LEPROT: variants seen among roughly 807,000 people sequenced by gnomAD.
LEPROT encodes leptin receptor overlapping transcript, also known as leptin receptor gene-related protein.
Under a neutral mutation model 15.4 loss-of-function variants are expected in LEPROT, and 3 were observed. That is an observed-to-expected ratio of 0.19 (90% CI 0.09 to 0.50). LEPROT has a LOEUF of 0.50. Ranked by LOEUF, LEPROT falls within the 20% of genes least tolerant of loss-of-function variation. LEPROT has a pLI of 0.97. For missense variants in LEPROT, 137 were observed against 162.2 expected (o/e 0.84, Z 0.84); for synonymous variants, 59 against 57.5 (o/e 1.03, Z -0.12).
At chr1:65,429,421 G>T (rs1043485921) in intron 2 of LEPROT, among the ~76,000 whole-genome samples, 3 of 152,160 alleles carry the variant, frequency 2.0e-5, no homozygotes, top group Admixed American at 6.5e-5. Flanking sequence ...GACCATAAAG[G>T]CTTTGTAGGC....
intron 2 of LEPROT, among the ~76,000 whole-genome samples, chr1:65,428,691 T>G (rs886780916): frequency 6.6e-6 from 1 of 152,276 alleles, no homozygotes. Flanking sequence ...TGTGGTGATA[T>G]GAATTATTGT....
At chr1:65,421,902 G>C (rs990540108) in intron 1 of LEPROT, among the ~76,000 whole-genome samples, 2 of 152,232 alleles carry the variant, frequency 1.3e-5, no homozygotes, top group Non-Finnish European at 2.9e-5. Context: ...CGGACTAAGG[G>C]AAGGAAGCAT....
At position 65,431,983 on chromosome 1, in the gene LEPROT, C is replaced by T; in HGVS notation, c.*64C>T. 6 of 1,520,130 alleles carry T rather than the reference C, an allele frequency of 3.9e-6. No individual in the cohort carries two copies. Among genetic ancestry groups the T allele is most frequent in the Non-Finnish European group, 5.3e-6 (6 of 1,136,346 alleles). The allele number at this position is 1,520,130 out of a possible 1,614,324, so 94.2% of individuals were successfully genotyped here. A position where few individuals can be genotyped will look rare whatever the true frequency, so the allele number is the denominator to read the frequency against. On this transcript the variant is annotated 3_prime_UTR_variant, in exon 4 of 4. Transcript: ENST00000371065. Reference sequence around the variant, plus strand: ...CTCATACTATCTGTATACATGTGCACATGCGGCATTTTACTATGAAATTTA... The same window carrying T: ...CTCATACTATCTGTATACATGTGCATATGCGGCATTTTACTATGAAATTTA...
At chr1:65,426,181 C>G (rs760080373) in intron 2 of LEPROT, among the ~76,000 whole-genome samples, 1 of 152,134 alleles carries the variant, frequency 6.6e-6, no homozygotes, top group Non-Finnish European at 1.5e-5. Context: ...CCATACAGAT[C>G]TCTAGGGAAA....
At chr1:65,427,831 G>A (rs374163320) in intron 2 of LEPROT, 3 of 397,922 alleles carry the variant, frequency 7.5e-6, no homozygotes, top group East Asian at 1.6e-4. Context: ...TGTAGAGACC[G>A]AGTCTCTCTG....
In LEPROT at chr1:65,425,239, A is replaced by G. The variant is rs796467208; in HGVS notation, c.17-64A>G. 6.9e-6 allele frequency: 10 copies of G among 1,441,862 alleles called. No individual in the cohort carries two copies. The African/African-American group carries it at 9.9e-5, about 14-fold the overall frequency. 89.3% of individuals were successfully genotyped at this position (1,441,862 alleles called of 1,614,324 possible). A position where few individuals can be genotyped will look rare whatever the true frequency, so the allele number is the denominator to read the frequency against. ...ATTAGAAGTCACTCCCCATTTCCCC[A>G]AACCCTCTAGTGCCTGACAACCTCT... On this transcript the variant is annotated intron_variant, in intron 1 of 3. Transcript: ENST00000371065.
Position 65,433,354 on chromosome 1 carries a change from AATCATTGGGTAT to A in LEPROT, c.*1437_*1448del. 1.0e-6 allele frequency: 1 copy of A among 985,430 alleles called. No homozygotes were observed. Among genetic ancestry groups the A allele is most frequent in the East Asian group, 1.1e-4 (1 of 8,814 alleles). The allele number at this position is 985,430 out of a possible 1,614,324, so 61.0% of individuals were successfully genotyped here. ...TATAACTTTATGCCACCCTTAAATG[AATCATTGGGTAT>A]ACCTGTCATGTTGGATCCTGTAATC... On this transcript the variant is annotated 3_prime_UTR_variant, in exon 4 of 4. Coordinates refer to ENST00000371065, the MANE Select transcript of LEPROT (RefSeq NM_017526.5).
At chr1:65,430,399 T>A (rs2100220195) in intron 3 of LEPROT, 1 of 165,138 alleles carries the variant, frequency 6.1e-6, no homozygotes, top group Non-Finnish European at 1.3e-5. Flanking sequence ...ATATTTCAAA[T>A]TCTTCTCCTG....
rs1646518653 is a variant in LEPROT, at chr1:65,433,638, C to T, written c.*1719C>T. The stretch of plus-strand genomic sequence containing the variant: ...TGCAACGTTATTTTTTGGCCTTGTT[C>T]ATGATTTTATGTTTTCAGTGTCCTG... On this transcript the variant is annotated 3_prime_UTR_variant, in exon 4 of 4. Coordinates refer to ENST00000371065, the MANE Select transcript of LEPROT (RefSeq NM_017526.5). The T allele has an allele frequency of 1.0e-6, 1 of 985,160 alleles. No individual in the cohort carries two copies. The highest frequency in any genetic ancestry group is 1.2e-6 in the Non-Finnish European group (1 of 829,876). The allele number at this position is 985,160 out of a possible 1,614,324, so 61.0% of individuals were successfully genotyped here.
intron 1 of LEPROT, 152 bp downstream of exon 1, chr1:65,420,892 C>A (rs1646233147): frequency 3.9e-6 from 4 of 1,036,220 alleles, no homozygotes; most frequent in Non-Finnish European, 5.7e-6. Context: ...CCGCTCCCTT[C>A]GTCCCTTGGG....
Position 65,432,371 on chromosome 1 carries a change from C to A in LEPROT, c.*452C>A. The A allele has an allele frequency of 1.0e-6, 1 of 960,796 alleles. No individual in the cohort carries two copies. The highest frequency in any genetic ancestry group is 1.2e-6 in the Non-Finnish European group (1 of 807,262). 59.5% of individuals were successfully genotyped at this position (960,796 alleles called of 1,614,324 possible). On this transcript the variant is annotated 3_prime_UTR_variant, in exon 4 of 4. Coordinates refer to ENST00000371065, the MANE Select transcript of LEPROT (RefSeq NM_017526.5). ...CCACAGACCAAGAGCCTCAACATTT[C>A]CTAGAGCCTTATTAGAAATGCAGAA...
Position 65,435,133 on chromosome 1 carries a change from C to T in LEPROT, c.*3214C>T, listed in dbSNP as rs1323107635. The stretch of plus-strand genomic sequence containing the variant: ...TTGGGACAGGGAAAATCCTGTCATA[C>T]CTCATCTCTTCCTCAGGAGGAGTTC... On this transcript the variant is annotated 3_prime_UTR_variant, in exon 4 of 4. Coordinates refer to ENST00000371065, the MANE Select transcript of LEPROT (RefSeq NM_017526.5). 1.0e-6 allele frequency: 1 copy of T among 985,186 alleles called. No homozygotes were observed. The highest frequency in any genetic ancestry group is 1.2e-6 in the Non-Finnish European group (1 of 829,894). The allele number at this position is 985,186 out of a possible 1,614,324, so 61.0% of individuals were successfully genotyped here. A position where few individuals can be genotyped will look rare whatever the true frequency, so the allele number is the denominator to read the frequency against.
chr1:65,426,143 A>C (rs1050569685), intron 2 of LEPROT, among the ~76,000 whole-genome samples: 1 of 139,592 alleles, frequency 7.2e-6, no homozygotes, highest in African/African-American at 3.3e-5. Flanking sequence ...AAAAGTGAGA[A>C]GAAATGTCAA....
At chr1:65,426,486 A>T (rs1570421716) in intron 2 of LEPROT, among the ~76,000 whole-genome samples, 1 of 152,090 alleles carries the variant, frequency 6.6e-6, no homozygotes, top group African/African-American at 2.4e-5. Flanking sequence ...GTGAGACTAG[A>T]TAGGAAAGAG....
chr1:65,427,485 G>C (rs2101691313), intron 2 of LEPROT, among the ~76,000 whole-genome samples: 1 of 152,296 alleles, frequency 6.6e-6, no homozygotes, highest in East Asian at 1.9e-4. Context: ...GTTGAGCCCA[G>C]GGGTTGGAGG....
At chr1:65,422,402 C>A (rs10889549) in intron 1 of LEPROT, among the ~76,000 whole-genome samples, 70,355 of 151,990 alleles carry the variant, frequency 0.46, 16,792 homozygotes, top group East Asian at 0.86. Context: ...CTACAGCCTT[C>A]AGAGGGAGTG....
At chr1:65,426,645 A>G (rs1481892462) in intron 2 of LEPROT, among the ~76,000 whole-genome samples, 1 of 152,196 alleles carries the variant, frequency 6.6e-6, no homozygotes, top group Non-Finnish European at 1.5e-5. Flanking sequence ...TCAGGATTCA[A>G]CAAGGAGGGA....
Position 65,434,934 on chromosome 1 carries a change from T to G in LEPROT, c.*3015T>G. 1.0e-6 allele frequency: 1 copy of G among 985,528 alleles called. No homozygotes were observed. Among genetic ancestry groups the G allele is most frequent in the Non-Finnish European group, 1.2e-6 (1 of 829,988 alleles). The allele number at this position is 985,528 out of a possible 1,614,324, so 61.0% of individuals were successfully genotyped here. A position where few individuals can be genotyped will look rare whatever the true frequency, so the allele number is the denominator to read the frequency against. On this transcript the variant is annotated 3_prime_UTR_variant, in exon 4 of 4. Coordinates refer to ENST00000371065, the MANE Select transcript of LEPROT (RefSeq NM_017526.5). Reference sequence around the variant, plus strand: ...TCACAGAAAGAATGCCTTGTGATTATCTTCTCCACATCTGAAATTCCTTTT... The same window carrying G: ...TCACAGAAAGAATGCCTTGTGATTAGCTTCTCCACATCTGAAATTCCTTTT...
Position 65,430,066 on chromosome 1 carries a change from T to C in LEPROT, c.279+18T>C, listed in dbSNP as rs373078589. On this transcript the variant is annotated intron_variant, in intron 3 of 3. Coordinates refer to ENST00000371065, the MANE Select transcript of LEPROT (RefSeq NM_017526.5). Reference sequence around the variant, plus strand: ...TGGCTGTGGTAAGTTTTATTTTCTATTGTTTTGCCCAACCGTTGCTGAGTT... The same window carrying C: ...TGGCTGTGGTAAGTTTTATTTTCTACTGTTTTGCCCAACCGTTGCTGAGTT... The C allele has an allele frequency of 4.9e-5, 75 of 1,545,290 alleles. No homozygotes were observed. Among genetic ancestry groups the C allele is most frequent in the Middle Eastern group, 1.7e-4 (1 of 5,810 alleles).
Sources: allele counts gnomAD v4.1 joint callset (sites outside exome capture counted in the v4.1 genomes callset), GRCh38; gene constraint gnomAD v4.1.1; transcripts MANE v1.5; gene names NCBI Gene and HGNC (gene_info 2026-07-23, HGNC 2026-07-21).